NFX1: variants seen among roughly 807,000 people sequenced by gnomAD.
The protein encoded by NFX1 is nuclear transcription factor, X-box binding 1, also known as transcriptional repressor NF-X1.
NFX1 carries 69 observed loss-of-function variants against 137.2 expected under a neutral mutation model. The observed-to-expected ratio is 0.50, with a 90% confidence interval of 0.41 to 0.61. The LOEUF (loss-of-function observed/expected upper bound fraction) is 0.61, where lower values mean the gene tolerates loss of function less well. Among genes scored for constraint, NFX1 ranks in the 20% least tolerant of loss-of-function variants. The probability of loss-of-function intolerance (pLI) is 0.00; values close to 1 mark genes in which losing one functional copy is unlikely to be tolerated. For missense variants in NFX1, 1,167 were observed against 1,391.0 expected, an observed-to-expected ratio of 0.84 and a Z score of 2.56; for synonymous variants, 495 against 474.1, an observed-to-expected ratio of 1.04 and a Z score of -0.57.
At chr9:33,295,860 T>C (rs1336834577) in intron 2 of NFX1, among the ~76,000 whole-genome samples, 1 of 152,200 alleles carries the variant, frequency 6.6e-6, no homozygotes, top group Non-Finnish European at 1.5e-5. Context: ...ACTGGTCTTA[T>C]CATCTCTTAA....
rs577595854 is a variant in NFX1 at position 33,307,571 on chromosome 9, G to A, written c.1376+272G>A. Among the ~76,000 whole-genome samples the A allele has an allele frequency of 3.3e-5, 5 of 152,310 alleles. No individual in the cohort carries two copies. The South Asian group carries it at 8.3e-4, about 25-fold the overall frequency. The stretch of plus-strand genomic sequence containing the variant: ...TTGCCCAGCATCACAGTGGCAGGGC[G>A]TGGATGGTGGAGCTAGGGTTTCCAA... On this transcript the variant is annotated intron_variant, in intron 5 of 23. Transcript: ENST00000379540.
intron 5 of NFX1, among the ~76,000 whole-genome samples, chr9:33,309,748 C>T (rs938631337): frequency 6.6e-6 from 1 of 152,226 alleles, no homozygotes; most frequent in African/African-American, 2.4e-5. Context: ...CCACCTCAGC[C>T]TCCCAAAGTG....
intron 12 of NFX1, among the ~76,000 whole-genome samples, chr9:33,341,177 G>C (rs1823205918): frequency 1.3e-5 from 2 of 152,164 alleles, no homozygotes; most frequent in South Asian, 4.1e-4. Flanking sequence ...AGTTTTAATG[G>C]ACTTACAGTT....
intron 16 of NFX1, among the ~76,000 whole-genome samples, chr9:33,352,051 A>C (rs754968530): frequency 6.6e-6 from 1 of 152,142 alleles, no homozygotes; most frequent in Non-Finnish European, 1.5e-5. Context: ...ATAGTCACTG[A>C]TTGTTTACTC....
At chr9:33,351,871 CT>C in intron 16 of NFX1, 81 bp downstream of exon 16, 1 of 1,197,288 alleles carries the variant, frequency 8.4e-7, no homozygotes, top group Non-Finnish European at 1.1e-6. Flanking sequence ...ACAGTGGCCC[CT>C]GGGCATGCAT....
At chr9:33,357,663 A>G (rs1823855298) in intron 19 of NFX1, among the ~76,000 whole-genome samples, 1 of 150,998 alleles carries the variant, frequency 6.6e-6, no homozygotes, top group Admixed American at 6.6e-5. Flanking sequence ...TCCAAAATAG[A>G]TAGGACTACA....
In NFX1 at chr9:33,328,645, A is replaced by G; in HGVS notation, c.1971A>G (p.Ser657=). 3.7e-6 allele frequency: 6 copies of G among 1,612,072 alleles called. No individual in the cohort carries two copies. Among genetic ancestry groups the G allele is most frequent in the Non-Finnish European group, 5.1e-6 (6 of 1,178,318 alleles). The stretch of plus-strand genomic sequence containing the variant: ...ACTGTGGACCATGCTCTCGCACATC[A>G]GTTATTTCCTGCAGATGCTCTTTCA... The part of the protein sequence containing the change: ...EGDCGPCSRT[S]VISCRCSFRT... Residue 657 remains serine (S), a synonymous_variant, in exon 10 of 24, where the codon TCA becomes TCG. Coordinates refer to ENST00000379540, the MANE Select transcript of NFX1 (RefSeq NM_002504.6).
At chr9:33,337,520 G>A (rs564155200) in intron 11 of NFX1, among the ~76,000 whole-genome samples, 14 of 152,164 alleles carry the variant, frequency 9.2e-5, no homozygotes, top group South Asian at 2.1e-4. Context: ...AAACACTACC[G>A]TTGCTATTTT....
At chr9:33,298,118 G>C (rs1821423728) in intron 2 of NFX1, among the ~76,000 whole-genome samples, 2 of 152,212 alleles carry the variant, frequency 1.3e-5, no homozygotes, top group Non-Finnish European at 2.9e-5. Context: ...AAAGCACTTA[G>C]ATATTTAATA....
chr9:33,361,195 C>T (rs376601260), intron 19 of NFX1, among the ~76,000 whole-genome samples: 3 of 151,910 alleles, frequency 2.0e-5, no homozygotes, highest in African/African-American at 7.2e-5. Flanking sequence ...AATATGGGAA[C>T]ATAATTAGAA....
At chr9:33,326,413 T>TA (rs368993458) in intron 9 of NFX1, among the ~76,000 whole-genome samples, 3,970 of 88,750 alleles carry the variant, frequency 0.045, 271 homozygotes, top group African/African-American at 0.14. Context: ...CCTCTGTCTT[T>TA]AAAAAAAAAA....
At chr9:33,369,215 G>A (rs1167017642) in intron 23 of NFX1, among the ~76,000 whole-genome samples, 3 of 152,056 alleles carry the variant, frequency 2.0e-5, no homozygotes, top group East Asian at 1.9e-4. Context: ...ACAGGCGCCT[G>A]CCACCACGCC....
chr9:33,307,116 C>A, intron 4 of NFX1, 78 bp from the exon 5 acceptor site: 1 of 1,082,696 alleles, frequency 9.2e-7, no homozygotes, highest in Non-Finnish European at 1.4e-6. Context: ...TGCTGCCTAG[C>A]TATACTTTAC....
chr9:33,338,311 C>T (rs536973202), intron 11 of NFX1, among the ~76,000 whole-genome samples, 199 bp from the exon 12 acceptor site: 1 of 152,032 alleles, frequency 6.6e-6, no homozygotes, highest in African/African-American at 2.4e-5. Context: ...GCCGAGATCA[C>T]ACCACTGCAC....
chr9:33,323,622 A>T (rs1039554332), intron 9 of NFX1, among the ~76,000 whole-genome samples: 2 of 151,952 alleles, frequency 1.3e-5, no homozygotes, highest in Non-Finnish European at 2.9e-5. Flanking sequence ...GCATGTTGGT[A>T]TGCGCCTGTG....
rs1821313795 is a variant in NFX1 at position 33,295,288 on chromosome 9, G to A, written c.894G>A (p.Glu298=). The A allele has an allele frequency of 5.6e-6, 9 of 1,614,104 alleles. No homozygotes were observed. Among genetic ancestry groups the A allele is most frequent in the Non-Finnish European group, 7.6e-6 (9 of 1,180,026 alleles). Residue 298 remains glutamate (E), a synonymous_variant, in exon 2 of 24, where the codon GAG becomes GAA. Transcript: ENST00000379540. Reference sequence around the variant, plus strand: ...CAGCAAAATCTACCTGTGACAGTGAGAACTTGGCAGTCATCAACAAGTCTT... The same window carrying A: ...CAGCAAAATCTACCTGTGACAGTGAAAACTTGGCAGTCATCAACAAGTCTT... ...ERPAKSTCDS[E]NLAVINKSSR... is the part of the protein sequence containing the mutation.
intron 2 of NFX1, 87 bp from the exon 3 acceptor site, chr9:33,301,176 G>A: frequency 1.7e-6 from 2 of 1,209,048 alleles, no homozygotes; most frequent in Admixed American, 2.2e-5. Flanking sequence ...CTTCTCTTGA[G>A]TGACTTGCTG....
At chr9:33,362,662 A>G (rs1824032645) in intron 19 of NFX1, among the ~76,000 whole-genome samples, 1 of 149,722 alleles carries the variant, frequency 6.7e-6, no homozygotes, top group Non-Finnish European at 1.5e-5. Context: ...ATATAAAGTT[A>G]CAAATAGATG....
intron 20 of NFX1, 86 bp downstream of exon 20, chr9:33,364,194 C>T (rs1824101490): frequency 1.2e-6 from 1 of 834,330 alleles, no homozygotes; most frequent in African/African-American, 1.7e-5. Flanking sequence ...TGTACTCCTC[C>T]TGTGATTAAG....
Sources: allele counts gnomAD v4.1 joint callset (sites outside exome capture counted in the v4.1 genomes callset), GRCh38; gene constraint gnomAD v4.1.1; transcripts MANE v1.5; gene names NCBI Gene and HGNC (gene_info 2026-07-23, HGNC 2026-07-21).